The following LMBR1 variants were observed in gnomAD, a reference collection of about 807,000 sequenced individuals.
LMBR1 encodes limb region 1 protein homolog.
Under a neutral mutation model 73.9 loss-of-function variants are expected in LMBR1, and 52 were observed. The observed-to-expected ratio is 0.70, with a 90% CI of 0.56 to 0.89. The LOEUF is 0.89. Ranked by LOEUF, LMBR1 falls within the 40% of genes least tolerant of loss-of-function variation. The pLI is 0.00. For synonymous variants in LMBR1, 215 were observed against 209.4 expected (o/e 1.03, Z -0.23); for missense variants, 539 against 579.8 (o/e 0.93, Z 0.72).
intron 15 of LMBR1, among the ~76,000 whole-genome samples, chr7:156,703,036 C>T (rs919411310): frequency 6.6e-6 from 1 of 152,190 alleles, no homozygotes; most frequent in African/African-American, 2.4e-5. Context: ...GGTCCACTTT[C>T]CCTGGGAAAC....
downstream of LMBR1, among the ~76,000 whole-genome samples, chr7:156,677,346 T>C (rs1249715771): frequency 6.6e-6 from 1 of 152,118 alleles, no homozygotes; most frequent in African/African-American, 2.4e-5. Flanking sequence ...TGAAGACACA[T>C]GATTTCTGAG....
chr7:156,853,644 G>C (rs1355749479), intron 1 of LMBR1, among the ~76,000 whole-genome samples: 3 of 152,072 alleles, frequency 2.0e-5, no homozygotes, highest in African/African-American at 7.2e-5. Context: ...TCACCACATA[G>C]AATAAAGCTT....
chr7:156,815,439 A>C (rs1833770221), intron 4 of LMBR1, among the ~76,000 whole-genome samples: 1 of 152,252 alleles, frequency 6.6e-6, no homozygotes, highest in Non-Finnish European at 1.5e-5. Flanking sequence ...ATATCAATGT[A>C]GCACAACTGT....
intron 5 of LMBR1, among the ~76,000 whole-genome samples, chr7:156,783,742 G>T (rs577895326): frequency 3.9e-5 from 6 of 152,094 alleles, no homozygotes; most frequent in African/African-American, 1.4e-4. Context: ...AGTTTCATTA[G>T]GACTCATGTA....
At chr7:156,833,611 G>A in intron 3 of LMBR1, 142 bp downstream of exon 3, 1 of 616,374 alleles carries the variant, frequency 1.6e-6, no homozygotes, top group Non-Finnish European at 2.8e-6. Flanking sequence ...GCTTACATGT[G>A]CTTTCTAAAA....
intron 8 of LMBR1, among the ~76,000 whole-genome samples, chr7:156,761,742 C>T (rs547181285): frequency 2.6e-5 from 4 of 151,956 alleles, no homozygotes; most frequent in South Asian, 2.1e-4. Context: ...TTTGGGAGGC[C>T]GAGGTGGGCA....
At chr7:156,820,886 G>A (rs1015815109) in intron 4 of LMBR1, among the ~76,000 whole-genome samples, 5 of 152,210 alleles carry the variant, frequency 3.3e-5, no homozygotes, top group East Asian at 1.9e-4. Context: ...GTCTGAAAGG[G>A]CAGAGGCAGA....
intron 4 of LMBR1, among the ~76,000 whole-genome samples, chr7:156,825,031 T>G (rs949945797): frequency 3.9e-5 from 6 of 152,290 alleles, no homozygotes; most frequent in South Asian, 4.1e-4. Flanking sequence ...TCCCTGGATT[T>G]GAGATCCTAA....
intron 1 of LMBR1, among the ~76,000 whole-genome samples, chr7:156,888,207 A>G (rs893555947): frequency 4.6e-5 from 7 of 151,352 alleles, no homozygotes; most frequent in Non-Finnish European, 4.4e-5. Flanking sequence ...TCAGGAGATC[A>G]AGACCTTCCT....
At chr7:156,840,208 T>C (rs2133959159) in intron 1 of LMBR1, among the ~76,000 whole-genome samples, 1 of 152,336 alleles carries the variant, frequency 6.6e-6, no homozygotes, top group Non-Finnish European at 1.5e-5. Flanking sequence ...GTGAACAAAG[T>C]TATAGCCCTC....
intron 4 of LMBR1, among the ~76,000 whole-genome samples, chr7:156,796,983 C>A (rs531001742): frequency 5.3e-4 from 80 of 152,336 alleles, no homozygotes; most frequent in African/African-American, 1.9e-3. Flanking sequence ...TATCCGAACT[C>A]ATTTACTTGC....
intron 1 of LMBR1, among the ~76,000 whole-genome samples, chr7:156,891,576 G>C (rs567843304): frequency 6.6e-6 from 1 of 152,222 alleles, no homozygotes; most frequent in East Asian, 1.9e-4. Flanking sequence ...AGAGGGAAAG[G>C]AATCAGTCTC....
In LMBR1 at chr7:156,796,793, G is replaced by A. The variant is rs113540455; in HGVS notation, c.320-301C>T. 0.031 allele frequency among the ~76,000 whole-genome samples: 4,744 copies of A among 152,058 alleles called. 255 individuals are homozygous for A. Among genetic ancestry groups the A allele is most frequent in the African/African-American group, 0.11 (4,518 of 41,474 alleles). On this transcript the variant is annotated intron_variant, in intron 4 of 16. Transcript: ENST00000353442. ...CAGCCTCTTTAGACATATAGGCACCGGAATATTTAAATTAGAGCCACTAGC... is the reference window on the plus strand; with the variant it reads ...CAGCCTCTTTAGACATATAGGCACCAGAATATTTAAATTAGAGCCACTAGC...
intron 5 of LMBR1, among the ~76,000 whole-genome samples, chr7:156,794,409 G>C (rs1027916852): frequency 6.6e-6 from 1 of 152,124 alleles, no homozygotes; most frequent in Admixed American, 6.5e-5. Flanking sequence ...CTGTAAGGGG[G>C]AACAGGAGAA....
rs1008423501 is a variant in LMBR1, at chr7:156,881,114, A to C, written c.66+11814T>G. Among the ~76,000 whole-genome samples, 14 of 152,366 alleles carry C rather than the reference A, an allele frequency of 9.2e-5. No homozygotes were observed. In the South Asian group the frequency reaches 2.9e-3, roughly 32 times the overall value. ...ATATTATTACACAAAGCTAGTTATC[A>C]AAATAGTATAGTACTGACATAAAGA... On this transcript the variant is annotated intron_variant, in intron 1 of 16. Transcript: ENST00000353442.
intron 4 of LMBR1, among the ~76,000 whole-genome samples, chr7:156,803,921 C>A (rs886078590): frequency 2.0e-4 from 29 of 144,706 alleles, no homozygotes; most frequent in African/African-American, 7.0e-4. Context: ...CATGTTCTCA[C>A]TCATAGGTGG....
intron 4 of LMBR1, among the ~76,000 whole-genome samples, chr7:156,820,320 T>TA (rs1834555620): frequency 6.6e-6 from 1 of 152,194 alleles, no homozygotes; most frequent in Non-Finnish European, 1.5e-5. Flanking sequence ...AGGCCAGCAA[T>TA]ACGCCTTCAC....
At chr7:156,754,640 T>A (rs573113704) in intron 9 of LMBR1, among the ~76,000 whole-genome samples, 385 of 152,308 alleles carry the variant, frequency 2.5e-3, no homozygotes, top group African/African-American at 8.9e-3. Context: ...TTACTTTTGT[T>A]TTATAAATTA....
chr7:156,739,830 T>A (rs964181924), intron 9 of LMBR1, among the ~76,000 whole-genome samples: 1 of 152,072 alleles, frequency 6.6e-6, no homozygotes, highest in African/African-American at 2.4e-5. Context: ...AACTCTTCAA[T>A]GCCCAGACAC....
Sources: allele counts gnomAD v4.1 joint callset (sites outside exome capture counted in the v4.1 genomes callset), GRCh38; gene constraint gnomAD v4.1.1; transcripts MANE v1.5; gene names NCBI Gene and HGNC (gene_info 2026-07-23, HGNC 2026-07-21).